The following AP2S1 variants were observed in gnomAD, a reference collection of about 807,000 sequenced individuals.
The protein encoded by AP2S1 is adaptor related protein complex 2 subunit sigma 1.
A neutral mutation model predicts 21.0 loss-of-function variants in AP2S1; 6 were observed. The ratio of observed to expected loss-of-function variants is 0.29; its 90% CI spans 0.16 to 0.56. The LOEUF (loss-of-function observed/expected upper bound fraction) is 0.56, where lower values mean the gene tolerates loss of function less well. AP2S1 is among the 20% of genes least tolerant of loss of function. The pLI, the probability that AP2S1 is intolerant of heterozygous loss-of-function variation, is 0.92. For synonymous variants in AP2S1, 63 were observed against 74.6 expected (o/e 0.84, Z 0.80); for missense variants, 60 against 186.2 (o/e 0.32, Z 3.95).
chr19:46,850,772 C>G lies in AP2S1; in HGVS notation c.-6G>C, dbSNP rs568178460. ...TAGCGCTCCCCCGTTACCATGGCGACCCCCGTCCAGACCCCAGCGGCCCCG... is the reference window on the plus strand; with the variant it reads ...TAGCGCTCCCCCGTTACCATGGCGAGCCCCGTCCAGACCCCAGCGGCCCCG... On this transcript the variant is annotated 5_prime_UTR_variant, in exon 1 of 5. Transcript: ENST00000263270. 6.3e-7 allele frequency: 1 copy of G among 1,585,724 alleles called. No individual in the cohort carries two copies. Among genetic ancestry groups the G allele is most frequent in the Admixed American group, 1.7e-5 (1 of 57,974 alleles).
At chr19:46,845,378 C>A (rs2055612274) in intron 2 of AP2S1, among the ~76,000 whole-genome samples, 1 of 151,740 alleles carries the variant, frequency 6.6e-6, no homozygotes, top group African/African-American at 2.4e-5. Flanking sequence ...TGCACTCCAG[C>A]CTGGGTGACA....
intron 1 of AP2S1, among the ~76,000 whole-genome samples, chr19:46,849,572 G>A (rs1249092410): frequency 2.0e-5 from 3 of 152,108 alleles, no homozygotes; most frequent in African/African-American, 7.2e-5. Flanking sequence ...AAAAAGCTCT[G>A]CCTCTTACTC....
At chr19:46,845,486 G>A (rs1191898966) in intron 2 of AP2S1, among the ~76,000 whole-genome samples, 1 of 151,626 alleles carries the variant, frequency 6.6e-6, no homozygotes, top group East Asian at 1.9e-4. Context: ...TTGCTACATT[G>A]CCCAGGCTGG....
At position 46,838,341 on chromosome 19, in the gene AP2S1, C is replaced by T. The variant is rs1011658820; in HGVS notation, c.*106G>A. 9.0e-6 allele frequency: 10 copies of T among 1,108,858 alleles called. No individual in the cohort carries two copies. The highest frequency in any genetic ancestry group is 2.1e-4 in the Middle Eastern group (1 of 4,878). The allele number at this position is 1,108,858 out of a possible 1,614,324, so 68.7% of individuals were successfully genotyped here. On this transcript the variant is annotated 3_prime_UTR_variant, in exon 5 of 5. Coordinates refer to ENST00000263270, the MANE Select transcript of AP2S1 (RefSeq NM_004069.6). This position sits in a 1 kb window ranked among gnomAD's most constrained non-coding sequence, Gnocchi z 4.1. ...CCCAGACCCAGCTGGGTCCCTTCCT[C>T]CTAGGCAGCTGAGGGAAGGACTGCT...
At chr19:46,847,385 T>C (rs1307159798) in intron 1 of AP2S1, among the ~76,000 whole-genome samples, 1 of 151,998 alleles carries the variant, frequency 6.6e-6, no homozygotes, top group Admixed American at 6.6e-5. Context: ...CCCAGCTAAC[T>C]TTTTGTATTT....
At chr19:46,840,780 C>T (rs866232858) in intron 2 of AP2S1, among the ~76,000 whole-genome samples, 4 of 142,774 alleles carry the variant, frequency 2.8e-5, no homozygotes, top group Non-Finnish European at 6.0e-5. Flanking sequence ...AGCAGTGGCT[C>T]GATCTCGGCT....
chr19:46,839,550 C>T lies in AP2S1; in HGVS notation c.182G>A (p.Arg61His), dbSNP rs754997253. The change falls in exon 3 of 5, where the codon CGC (arginine) becomes CAC (histidine). Residue 61 changes from arginine (R) to histidine (H), a missense_variant. Physicochemically the swap from Arg to His is conservative, Grantham distance 29 (BLOSUM62 0). Coordinates refer to ENST00000263270, the MANE Select transcript of AP2S1 (RefSeq NM_004069.6). The part of the protein sequence containing the change: ...EFRNFKIIYR[R>H]YAGLYFCICV... ...GATGCAGAAGTAGAGGCCAGCATAG[C>T]GGCGGTAAATGATCTTAAAGTTCCG... 1 of 1,614,014 alleles carries T rather than the reference C, an allele frequency of 6.2e-7. No individual in the cohort carries two copies. Among genetic ancestry groups the T allele is most frequent in the Non-Finnish European group, 8.5e-7 (1 of 1,180,018 alleles).
intron 2 of AP2S1, 190 bp from the exon 3 acceptor site, chr19:46,839,768 C>T: frequency 1.1e-6 from 1 of 949,124 alleles, no homozygotes; most frequent in Non-Finnish European, 1.5e-6. Flanking sequence ...CGGGGGCAGG[C>T]ATCCCCAGAA....
At chr19:46,843,031 G>A (rs955709666) in intron 2 of AP2S1, among the ~76,000 whole-genome samples, 27 of 152,090 alleles carry the variant, frequency 1.8e-4, no homozygotes, top group African/African-American at 5.5e-4. Context: ...GACGATACTC[G>A]GGGCCAGACC....
At position 46,841,174 on chromosome 19, in the gene AP2S1, C is replaced by T. The variant is rs145364229; in HGVS notation, c.154-1596G>A. On this transcript the variant is annotated intron_variant, in intron 2 of 4. Transcript: ENST00000263270. Reference sequence around the variant, plus strand: ...TTACCATGTTGGCCAGGCTGGTCTCCAACTCCTGACCTCAGATGATCCACC... The same window carrying T: ...TTACCATGTTGGCCAGGCTGGTCTCTAACTCCTGACCTCAGATGATCCACC... Among the ~76,000 whole-genome samples, 602 of 151,772 alleles carry T rather than the reference C, an allele frequency of 4.0e-3. 3 individuals are homozygous for T. The highest frequency in any genetic ancestry group is 0.014 in the African/African-American group (561 of 41,396).
intron 1 of AP2S1, among the ~76,000 whole-genome samples, chr19:46,847,823 C>T (rs1295986891): frequency 6.6e-6 from 1 of 152,088 alleles, no homozygotes; most frequent in Non-Finnish European, 1.5e-5. Flanking sequence ...TGGATAAGGC[C>T]GTACTTCGGG....
intron 2 of AP2S1, 36 bp from the exon 3 acceptor site, chr19:46,839,614 C>T (rs1471936875): frequency 6.2e-7 from 1 of 1,613,892 alleles, no homozygotes; most frequent in Non-Finnish European, 8.5e-7. Flanking sequence ...ACGGAGATTG[C>T]CAGGACCTAA....
rs2055456652 is a variant in AP2S1, at chr19:46,838,689, C to G, written c.327+51G>C. On this transcript the variant is annotated intron_variant, in intron 4 of 4. Coordinates refer to ENST00000263270, the MANE Select transcript of AP2S1 (RefSeq NM_004069.6). This position sits in a 1 kb window ranked among gnomAD's most constrained non-coding sequence, Gnocchi z 4.1. The stretch of plus-strand genomic sequence containing the variant: ...GGGTGGCTAGTGCACCACGGGTCCC[C>G]CCCGTCCCCCTCCTCTGGCTCCTTC... 1.2e-6 allele frequency: 2 copies of G among 1,603,136 alleles called. No individual in the cohort carries two copies. Among genetic ancestry groups the G allele is most frequent in the Non-Finnish European group, 1.7e-6 (2 of 1,170,746 alleles).
chr19:46,838,373 G>T lies in AP2S1; in HGVS notation c.*74C>A. ...AGCTGAGGGAAGGACTGCTGGGTTGGCCACGGGCCTGGGAAGGGGAAGCGA... is the reference window on the plus strand; with the variant it reads ...AGCTGAGGGAAGGACTGCTGGGTTGTCCACGGGCCTGGGAAGGGGAAGCGA... On this transcript the variant is annotated 3_prime_UTR_variant, in exon 5 of 5. Transcript: ENST00000263270. The surrounding 1 kb of genome is among the most constrained non-coding windows in gnomAD (Gnocchi z 4.1). 1 of 1,469,772 alleles carries T rather than the reference G, an allele frequency of 6.8e-7. No homozygotes were observed. The highest frequency in any genetic ancestry group is 2.3e-5 in the East Asian group (1 of 43,428). 91.0% of individuals were successfully genotyped at this position (1,469,772 alleles called of 1,614,324 possible).
chr19:46,847,966 C>T (rs538347652), intron 1 of AP2S1, among the ~76,000 whole-genome samples: 5 of 152,116 alleles, frequency 3.3e-5, no homozygotes, highest in South Asian at 4.2e-4. Context: ...CATAGGGTAA[C>T]GCTATGTTTA....
At chr19:46,844,125 G>C (rs1057376749) in intron 2 of AP2S1, among the ~76,000 whole-genome samples, 1 of 151,860 alleles carries the variant, frequency 6.6e-6, no homozygotes, top group Non-Finnish European at 1.5e-5. Context: ...TGGTCAGGCT[G>C]GTCTCCTGAC....
chr19:46,845,752 T>C (rs2055620487), intron 2 of AP2S1: 1 of 449,556 alleles, frequency 2.2e-6, no homozygotes, highest in South Asian at 4.7e-5. Flanking sequence ...ATCTGGGTAG[T>C]AGGTATACGA....
intron 2 of AP2S1, among the ~76,000 whole-genome samples, chr19:46,844,704 GT>G (rs2055589938): frequency 6.6e-6 from 1 of 152,222 alleles, no homozygotes; most frequent in South Asian, 2.1e-4. Flanking sequence ...GGAGGCTGAG[GT>G]GGGAGGGTAG....
intron 1 of AP2S1, 30 bp from the exon 2 acceptor site, chr19:46,846,172 T>A: frequency 1.9e-6 from 3 of 1,612,682 alleles, no homozygotes; most frequent in Non-Finnish European, 2.5e-6. Context: ...AAGGAGGAAG[T>A]GAGAGAGGCA....
Sources: gnomAD v4.1 joint callset for allele counts (sites outside exome capture counted in the v4.1 genomes callset) on GRCh38, gnomAD v4.1.1 for gene constraint, Gnocchi (gnomAD v3.1) non-coding constraint, MANE v1.5 for transcripts, NCBI Gene and HGNC (gene_info 2026-07-23, HGNC 2026-07-21) for gene names.